The following AP3B1 variants were observed in gnomAD, a reference collection of about 807,000 sequenced individuals.
The protein encoded by AP3B1 is adaptor related protein complex 3 subunit beta 1.
AP3B1 carries 61 observed loss-of-function variants against 132.5 expected under a neutral mutation model. The observed-to-expected ratio is 0.46, with a 90% CI of 0.37 to 0.57. The LOEUF (loss-of-function observed/expected upper bound fraction) is 0.57, where lower values mean the gene tolerates loss of function less well. Among genes scored for constraint, AP3B1 ranks in the 20% least tolerant of loss-of-function variants. The pLI is 0.00. For missense variants in AP3B1, 1,120 were observed against 1,289.4 expected, an observed-to-expected ratio of 0.87 and a Z score of 2.01; for synonymous variants, 388 against 438.3, an observed-to-expected ratio of 0.89 and a Z score of 1.43.
intron 7 of AP3B1, among the ~76,000 whole-genome samples, chr5:78,213,625 A>C (rs1745842719): frequency 6.6e-6 from 1 of 152,188 alleles, no homozygotes; most frequent in Non-Finnish European, 1.5e-5. Flanking sequence ...CCTTGAATTG[A>C]GGTCAACTGA....
rs1746461286 is a variant in AP3B1 at position 78,227,804 on chromosome 5, T to C, written c.376-272A>G. ...ATGCTGGGTTTTTATACTTTCATAA[T>C]AATAAAATGCTGCAGGTCATCAATT... On this transcript the variant is annotated intron_variant, in intron 4 of 26. Coordinates refer to ENST00000255194, the MANE Select transcript of AP3B1 (RefSeq NM_003664.5). Among the ~76,000 whole-genome samples, 3 of 152,196 alleles carry C rather than the reference T, an allele frequency of 2.0e-5. No homozygotes were observed. In the South Asian group the frequency reaches 6.2e-4, roughly 31 times the overall value.
intron 2 of AP3B1, among the ~76,000 whole-genome samples, chr5:78,247,117 AT>A (rs1461567727): frequency 6.6e-6 from 1 of 151,740 alleles, no homozygotes; most frequent in Non-Finnish European, 1.5e-5. Context: ...ATTTTCAAAT[AT>A]TTTAAAAAAA....
rs553788252 is a variant in AP3B1, at chr5:78,213,100, T to C, written c.786+2955A>G. Among the ~76,000 whole-genome samples the C allele has an allele frequency of 3.1e-3, 474 of 151,970 alleles. 3 individuals carry two copies. Among genetic ancestry groups the C allele is most frequent in the African/African-American group, 9.1e-3 (376 of 41,446 alleles). ...TTCACCGTGTTAGCCAGGATGGTCTTGATCTCCTGACCTCGTGATAAGCCC... is the reference window on the plus strand; with the variant it reads ...TTCACCGTGTTAGCCAGGATGGTCTCGATCTCCTGACCTCGTGATAAGCCC... On this transcript the variant is annotated intron_variant, in intron 7 of 26. Coordinates refer to ENST00000255194, the MANE Select transcript of AP3B1 (RefSeq NM_003664.5).
intron 22 of AP3B1, among the ~76,000 whole-genome samples, chr5:78,074,016 G>C (rs1749658148): frequency 6.6e-6 from 1 of 152,062 alleles, no homozygotes. Flanking sequence ...ATCTGATTCA[G>C]CGGATTTGTC....
rs185395703 is a variant in AP3B1, at chr5:78,204,104, T to C, written c.786+11951A>G. ...GTACAGTTTCCATTACTTTCTTTTT[T>C]TCTTGTGGATGGAACAAATTTATGG... On this transcript the variant is annotated intron_variant, in intron 7 of 26. Transcript: ENST00000255194. Among the ~76,000 whole-genome samples, 249 of 152,312 alleles carry C rather than the reference T, an allele frequency of 1.6e-3. 1 individual carries two copies. Among genetic ancestry groups the C allele is most frequent in the Non-Finnish European group, 2.8e-3 (189 of 68,022 alleles).
At chr5:78,030,443 C>G (rs905569580) in intron 24 of AP3B1, among the ~76,000 whole-genome samples, 22 of 152,144 alleles carry the variant, frequency 1.4e-4, no homozygotes, top group African/African-American at 5.3e-4. Context: ...AGGTCATTTC[C>G]TTTACCTTCT....
At chr5:78,183,451 A>G (rs575395755) in intron 7 of AP3B1, among the ~76,000 whole-genome samples, 4 of 152,350 alleles carry the variant, frequency 2.6e-5, no homozygotes, top group South Asian at 2.1e-4. Flanking sequence ...AGCAGATGCC[A>G]ATACCAAGAT....
chr5:78,169,821 T>C lies in AP3B1; in HGVS notation c.1168-4149A>G, dbSNP rs569424179. ...GTGCACAACGTGCAGGTTTGATACATAGGTATACATGTGCCATGTTGGTTT... is the reference window on the plus strand; with the variant it reads ...GTGCACAACGTGCAGGTTTGATACACAGGTATACATGTGCCATGTTGGTTT... On this transcript the variant is annotated intron_variant, in intron 11 of 26. Transcript: ENST00000255194. Among the ~76,000 whole-genome samples, 5 of 152,152 alleles carry C rather than the reference T, an allele frequency of 3.3e-5. No homozygotes were observed. In the South Asian group the frequency reaches 1.0e-3, roughly 32 times the overall value.
In AP3B1 at chr5:78,116,399, C is replaced by G. The variant is rs368371910; in HGVS notation, c.1969-165G>C. ...GGCATTAAGGCTGATTCACTTTACT[C>G]CTAAATACAACAACACAAACTCTCA... is the stretch of plus-strand genomic sequence containing the variant. On this transcript the variant is annotated intron_variant, in intron 17 of 26. Transcript: ENST00000255194. Among the ~76,000 whole-genome samples the G allele has an allele frequency of 6.6e-6, 1 of 152,156 alleles. No individual in the cohort carries two copies. The highest frequency in any genetic ancestry group is 2.1e-4 in the South Asian group (1 of 4,822).
intron 11 of AP3B1, among the ~76,000 whole-genome samples, chr5:78,168,852 A>C (rs902186354): frequency 6.6e-6 from 1 of 152,190 alleles, no homozygotes; most frequent in African/African-American, 2.4e-5. Flanking sequence ...CTTTGGTCTG[A>C]AACAGTTTCT....
At chr5:78,099,132 C>G (rs542157586) in intron 21 of AP3B1, among the ~76,000 whole-genome samples, 10 of 152,330 alleles carry the variant, frequency 6.6e-5, no homozygotes, top group Non-Finnish European at 1.3e-4. Flanking sequence ...AAGTCACTAT[C>G]TCTGAAGCAG....
chr5:78,107,219 CTT>C (rs781676384), intron 20 of AP3B1, among the ~76,000 whole-genome samples: 1 of 152,108 alleles, frequency 6.6e-6, no homozygotes, highest in African/African-American at 2.4e-5. Context: ...GATGCAGAGA[CTT>C]TTAAGTAGTA....
intron 7 of AP3B1, among the ~76,000 whole-genome samples, chr5:78,199,256 A>G (rs562284733): frequency 6.6e-6 from 1 of 152,364 alleles, no homozygotes; most frequent in South Asian, 2.1e-4. Flanking sequence ...AGCAGTTTCC[A>G]AACTTTGTAC....
At chr5:78,244,097 T>C (rs796471123) in intron 2 of AP3B1, among the ~76,000 whole-genome samples, 9 of 152,182 alleles carry the variant, frequency 5.9e-5, no homozygotes, top group African/African-American at 2.2e-4. Flanking sequence ...ATATATGATA[T>C]AAGAAAGAAG....
intron 20 of AP3B1, among the ~76,000 whole-genome samples, chr5:78,104,032 T>C (rs747317110): frequency 1.4e-4 from 22 of 152,146 alleles, no homozygotes; most frequent in Non-Finnish European, 2.8e-4. Context: ...GAAACCATTG[T>C]AAAGAGGTTT....
At chr5:78,131,508 C>T (rs7700947) in intron 15 of AP3B1, among the ~76,000 whole-genome samples, 5,716 of 151,980 alleles carry the variant, frequency 0.038, 358 homozygotes, top group African/African-American at 0.13. Flanking sequence ...TAGCTTTTCC[C>T]CCATGTAGTC....
chr5:78,278,613 A>AAG, intron 1 of AP3B1, among the ~76,000 whole-genome samples: 1 of 135,978 alleles, frequency 7.4e-6, no homozygotes, highest in African/African-American at 2.8e-5. Flanking sequence ...AAAAAAAAAA[A>AAG]AAAAAAAAAA....
chr5:78,047,077 A>G (rs1580279185), intron 22 of AP3B1, among the ~76,000 whole-genome samples: 1 of 151,412 alleles, frequency 6.6e-6, no homozygotes, highest in African/African-American at 2.5e-5. Flanking sequence ...TATGTGTGCC[A>G]CATTTTCTTT....
rs1379265711 is a variant in AP3B1, at chr5:78,050,298, T to C, written c.2578-11024A>G. Among the ~76,000 whole-genome samples the C allele has an allele frequency of 3.3e-5, 5 of 152,232 alleles. No homozygotes were observed. The East Asian group carries it at 9.6e-4, about 29-fold the overall frequency. ...CAATATATAATTTACTTTTTTGTTA[T>C]GTTTATTACCTGTCTTCCCATCTAC... On this transcript the variant is annotated intron_variant, in intron 22 of 26. Coordinates refer to ENST00000255194, the MANE Select transcript of AP3B1 (RefSeq NM_003664.5).
Sources: gnomAD v4.1 joint callset for allele counts (sites outside exome capture counted in the v4.1 genomes callset) on GRCh38, gnomAD v4.1.1 for gene constraint, MANE v1.5 for transcripts, NCBI Gene and HGNC (gene_info 2026-07-23, HGNC 2026-07-21) for gene names.